Variants in EMSY observed in about 807,000 individuals in gnomAD.
EMSY encodes BRCA2-interacting transcriptional repressor EMSY.
Under a neutral mutation model 134.6 loss-of-function variants are expected in EMSY, and 26 were observed. The observed-to-expected ratio is 0.19, with a 90% CI of 0.14 to 0.27. The LOEUF (loss-of-function observed/expected upper bound fraction) is 0.27. Ranked by LOEUF, EMSY falls within the 10% of genes least tolerant of loss-of-function variation. The pLI, the probability that EMSY is intolerant of heterozygous loss-of-function variation, is 1.00. For synonymous variants in EMSY, 579 were observed against 577.8 expected, an observed-to-expected ratio of 1.00 and a Z score of -0.03; for missense variants, 1,305 against 1,611.4, an observed-to-expected ratio of 0.81 and a Z score of 3.26.
exon 11 of EMSY, chr11:76,516,243 A>G (rs1204414585): frequency 6.2e-7 from 1 of 1,613,412 alleles, no homozygotes; most frequent in Non-Finnish European, 8.5e-7. Context: ...GAGTGGTAGC[A>G]TCATTACAGT....
intron 18 of EMSY, 74 bp from the exon 20 acceptor site, chr11:76,544,185 T>C (rs1361064073): frequency 1.3e-5 from 19 of 1,418,704 alleles, no homozygotes; most frequent in Non-Finnish European, 3.8e-6. Context: ...GTAAGTCTTT[T>C]TCAGTTAAGA....
chr11:76,455,564 C>G (rs1390186895), intron 4 of EMSY, among the ~76,000 whole-genome samples: 7 of 152,084 alleles, frequency 4.6e-5, no homozygotes, highest in Admixed American at 4.6e-4. Flanking sequence ...TCCCCTCCCC[C>G]CACTCAAAAT....
intron 12 of EMSY, 107 bp downstream of exon 13, chr11:76,523,398 C>CTA: frequency 7.8e-7 from 1 of 1,283,386 alleles, no homozygotes; most frequent in Non-Finnish European, 1.1e-6. Flanking sequence ...GCCAGAATGG[C>CTA]TTGGTTTACC....
At chr11:76,452,207 A>G (rs1308469841) in intron 3 of EMSY, among the ~76,000 whole-genome samples, 2 of 152,216 alleles carry the variant, frequency 1.3e-5, no homozygotes, top group African/African-American at 4.8e-5. Context: ...AAAGACTTGA[A>G]GGCAGTTTAT....
At chr11:76,465,198 GC>G (rs1316164030) in intron 7 of EMSY, among the ~76,000 whole-genome samples, 2 of 152,024 alleles carry the variant, frequency 1.3e-5, no homozygotes, top group African/African-American at 4.8e-5. Flanking sequence ...CTATTGAACT[GC>G]CTGGATTGAT....
At position 76,516,249 on chromosome 11, in the gene EMSY, A is replaced by G. The variant is rs1028272950; in HGVS notation, c.1621A>G (p.Thr541Ala). The change falls in exon 11 of 21, where the codon ACA becomes GCA. Residue 541 changes from threonine to alanine, a missense_variant. Thr to Ala is a moderately conservative substitution (Grantham distance 58). Transcript: ENST00000334736. ...GAAAACTACGAGTGGTAGCATCATT[A>G]CAGTAGTACCCAAATCATTAGCTAC... The G allele has an allele frequency of 1.9e-6, 3 of 1,613,094 alleles. No individual in the cohort carries two copies. The African/African-American group carries it at 4.0e-5, about 22-fold the overall frequency.
chr11:76,545,556 T>G (rs1565368945), intron 19 of EMSY, among the ~76,000 whole-genome samples: 1 of 152,204 alleles, frequency 6.6e-6, no homozygotes, highest in Admixed American at 6.5e-5. Flanking sequence ...ACTACTTTTT[T>G]CTTTATTGCT....
At chr11:76,514,793 T>A (rs1318715901) in intron 10 of EMSY, among the ~76,000 whole-genome samples, 2 of 152,174 alleles carry the variant, frequency 1.3e-5, no homozygotes, top group Non-Finnish European at 2.9e-5. Context: ...TTCTACCTTC[T>A]GTCTCTATGC....
At chr11:76,467,987 A>C (rs1394896572) in intron 7 of EMSY, among the ~76,000 whole-genome samples, 10 of 151,502 alleles carry the variant, frequency 6.6e-5, no homozygotes, top group East Asian at 1.9e-4. Flanking sequence ...CTCAAAAAAA[A>C]AAAACAAAAA....
chr11:76,454,911 T>A, intron 4 of EMSY, 121 bp downstream of exon 5: 1 of 727,808 alleles, frequency 1.4e-6, no homozygotes, highest in Non-Finnish European at 2.1e-6. Flanking sequence ...TTGCTTTCCT[T>A]CTCTTCCCCT....
intron 20 of EMSY, among the ~76,000 whole-genome samples, chr11:76,546,593 T>C (rs1487866474): frequency 3.9e-5 from 6 of 152,216 alleles, no homozygotes; most frequent in African/African-American, 9.6e-5. Flanking sequence ...TACTTGCCAA[T>C]GTGTTCACTC....
intron 7 of EMSY, among the ~76,000 whole-genome samples, chr11:76,472,086 G>A (rs556914820): frequency 8.0e-4 from 122 of 152,076 alleles, no homozygotes; most frequent in Non-Finnish European, 1.4e-3. Flanking sequence ...TTGTCTCTGC[G>A]TGACATATAC....
At position 76,493,600 on chromosome 11, in the gene EMSY, C is replaced by T. The variant is rs150241883; in HGVS notation, c.1109-2615C>T. The stretch of plus-strand genomic sequence containing the variant: ...CCTGACACAGCCAGACTCCAACAGA[C>T]GTGGGGAAGATCTGCCTGTGGAAAG... On this transcript the variant is annotated intron_variant, in intron 8 of 20. Transcript: ENST00000334736. 2.4e-3 allele frequency among the ~76,000 whole-genome samples: 359 copies of T among 152,028 alleles called. 1 individual carries two copies. The highest frequency in any genetic ancestry group is 3.9e-3 in the Non-Finnish European group (266 of 67,948).
chr11:76,456,073 A>G (rs1264475230), intron 4 of EMSY, among the ~76,000 whole-genome samples: 1 of 152,214 alleles, frequency 6.6e-6, no homozygotes, highest in Non-Finnish European at 1.5e-5. Context: ...TTCCCCTGTC[A>G]TACTTAGTAT....
chr11:76,473,829 C>A (rs1948672546), intron 8 of EMSY, among the ~76,000 whole-genome samples: 1 of 151,528 alleles, frequency 6.6e-6, no homozygotes, highest in African/African-American at 2.4e-5. Flanking sequence ...CCTGTCTCTA[C>A]TAAAAAAATA....
chr11:76,480,837 C>A (rs1288639196), intron 8 of EMSY, among the ~76,000 whole-genome samples: 1 of 152,292 alleles, frequency 6.6e-6, no homozygotes, highest in Non-Finnish European at 1.5e-5. Context: ...CTCCCCTAGC[C>A]AAGGGAAGCC....
intron 12 of EMSY, among the ~76,000 whole-genome samples, chr11:76,525,500 A>G (rs778115653): frequency 2.6e-5 from 4 of 152,200 alleles, no homozygotes; most frequent in Non-Finnish European, 4.4e-5. Context: ...ATGAGGTGAA[A>G]ATTCTCAAAT....
chr11:76,449,204 T>A (rs773879082), intron 2 of EMSY, among the ~76,000 whole-genome samples: 4 of 152,190 alleles, frequency 2.6e-5, no homozygotes, highest in Non-Finnish European at 4.4e-5. Flanking sequence ...GAAATTCAAC[T>A]AAATTTGAGG....
chr11:76,540,003 C>T (rs1951374546), intron 17 of EMSY, among the ~76,000 whole-genome samples: 1 of 152,172 alleles, frequency 6.6e-6, no homozygotes, highest in Non-Finnish European at 1.5e-5. Flanking sequence ...AAGCCAGCTG[C>T]TTGGCCTGCC....
Sources: gnomAD v4.1 joint callset for allele counts (sites outside exome capture counted in the v4.1 genomes callset) on GRCh38, gnomAD v4.1.1 for gene constraint, MANE v1.5 for transcripts, NCBI Gene and HGNC (gene_info 2026-07-23, HGNC 2026-07-21) for gene names.